LINGO1: variants seen among roughly 807,000 people sequenced by gnomAD.
The protein encoded by LINGO1 is leucine rich repeat and Ig domain containing 1.
In LINGO1, 11 loss-of-function variants were observed where a neutral mutation model predicts 37.3. The observed-to-expected ratio is 0.29, with a 90% CI of 0.19 to 0.49. The LOEUF (loss-of-function observed/expected upper bound fraction) is 0.49, where lower values mean the gene tolerates loss of function less well. Ranked by LOEUF, LINGO1 falls within the 20% of genes least tolerant of loss-of-function variation. LINGO1 has a pLI of 0.99. For synonymous variants in LINGO1, 387 were observed against 403.0 expected (o/e 0.96, Z 0.48); for missense variants, 585 against 878.2 (o/e 0.67, Z 4.22).
In LINGO1 at chr15:77,615,685, G is replaced by A; in HGVS notation, c.222C>T (p.Arg74=). The part of the protein sequence containing the change: ...AVPEGIPTET[R]LLDLGKNRIK... The stretch of plus-strand genomic sequence containing the variant: ...TGCGGTTCTTGCCTAGGTCCAGCAG[G>A]CGCGTCTCGGTGGGGATGCCCTCGG... The change falls in exon 2 of 2, where the codon CGC becomes CGT. Residue 74 remains arginine (R), a synonymous_variant. Coordinates refer to ENST00000355300, the MANE Select transcript of LINGO1 (RefSeq NM_032808.7). 1.2e-6 allele frequency: 2 copies of A among 1,604,682 alleles called. No homozygotes were observed. The highest frequency in any genetic ancestry group is 1.3e-5 in the African/African-American group (1 of 74,730).
At chr15:77,785,987 A>C (rs1049164406) in intron 1 of LINGO1, among the ~76,000 whole-genome samples, 1 of 152,066 alleles carries the variant, frequency 6.6e-6, no homozygotes, top group African/African-American at 2.4e-5. Flanking sequence ...GGCACAGAGA[A>C]CTCCCACTGA....
At chr15:77,625,965 C>T (rs988324819) in intron 1 of LINGO1, among the ~76,000 whole-genome samples, 1 of 152,140 alleles carries the variant, frequency 6.6e-6, no homozygotes, top group African/African-American at 2.4e-5. Context: ...GCTGAACAAC[C>T]CCACCAACCC....
chr15:77,646,309 G>T (rs1237382808), intron 3 of LINGO1: 12 of 357,864 alleles, frequency 3.4e-5, no homozygotes, highest in Non-Finnish European at 5.6e-6. Context: ...AGTGGGCGGG[G>T]AACCCGGACC....
chr15:77,794,301 T>C (rs377055921), intron 2 of LINGO1, among the ~76,000 whole-genome samples: 6 of 100,524 alleles, frequency 6.0e-5, no homozygotes, highest in South Asian at 2.8e-4. Context: ...TATGTATATA[T>C]ATACATATAT....
At chr15:77,620,192 T>G (rs60677748) in intron 1 of LINGO1, among the ~76,000 whole-genome samples, 26,926 of 151,756 alleles carry the variant, frequency 0.18, 5,028 homozygotes, top group African/African-American at 0.47. Context: ...TGTTTTATTT[T>G]GGATCCTTGC....
At chr15:77,706,985 C>T (rs1010924789) in intron 2 of LINGO1, among the ~76,000 whole-genome samples, 20 of 152,248 alleles carry the variant, frequency 1.3e-4, no homozygotes, top group Non-Finnish European at 1.8e-4. Context: ...ATGGCTGTGG[C>T]TGTGCCAGGA....
chr15:77,704,038 T>A (rs567415862), intron 2 of LINGO1, among the ~76,000 whole-genome samples: 62 of 152,328 alleles, frequency 4.1e-4, no homozygotes, highest in Admixed American at 1.5e-3. Context: ...TAACTAGCTG[T>A]GACCTCAGAA....
intron 1 of LINGO1, among the ~76,000 whole-genome samples, chr15:77,628,463 C>T (rs752002466): frequency 6.6e-6 from 1 of 152,186 alleles, no homozygotes; most frequent in African/African-American, 2.4e-5. Context: ...GGACTGCACA[C>T]AGTTCATGCT....
intron 3 of LINGO1, among the ~76,000 whole-genome samples, chr15:77,650,633 G>A (rs891173995): frequency 6.6e-6 from 1 of 152,218 alleles, no homozygotes; most frequent in South Asian, 2.1e-4. Context: ...CAATGGGGAA[G>A]AGGGCAGACT....
chr15:77,652,832 G>A (rs1397202983), intron 3 of LINGO1, among the ~76,000 whole-genome samples: 1 of 152,236 alleles, frequency 6.6e-6, no homozygotes, highest in Non-Finnish European at 1.5e-5. Context: ...CTGGCAATCA[G>A]TGACCCTTCC....
intron 1 of LINGO1, among the ~76,000 whole-genome samples, chr15:77,757,312 G>C (rs56210579): frequency 1.3e-5 from 2 of 152,238 alleles, no homozygotes; most frequent in Non-Finnish European, 2.9e-5. Flanking sequence ...TGAGCCCCCA[G>C]AACAAGAGTG....
At chr15:77,756,225 C>T (rs551622122) in intron 1 of LINGO1, among the ~76,000 whole-genome samples, 7 of 152,230 alleles carry the variant, frequency 4.6e-5, no homozygotes, top group South Asian at 2.1e-4. Flanking sequence ...CTCCTGTGAT[C>T]GCAGCAACTG....
At chr15:77,775,563 CTGGTAGTG>C (rs1236292638) in intron 1 of LINGO1, among the ~76,000 whole-genome samples, 2 of 152,126 alleles carry the variant, frequency 1.3e-5, no homozygotes, top group Non-Finnish European at 2.9e-5. Context: ...CCCAGCAGCT[CTGGTAGTG>C]TGGGCCCACC....
At chr15:77,658,009 GGTGGGAGGGGA>G (rs2074903831) in intron 3 of LINGO1, among the ~76,000 whole-genome samples, 1 of 152,202 alleles carries the variant, frequency 6.6e-6, no homozygotes, top group South Asian at 2.1e-4. Flanking sequence ...GTTTCCCGGG[GGTGGGAGGGGA>G]GTGGGGCTTG....
intron 1 of LINGO1, among the ~76,000 whole-genome samples, chr15:77,619,546 C>T (rs941709022): frequency 1.3e-5 from 2 of 151,950 alleles, no homozygotes; most frequent in Non-Finnish European, 2.9e-5. Flanking sequence ...ATTAGCCAGG[C>T]ATGGTGGGGT....
intron 1 of LINGO1, among the ~76,000 whole-genome samples, chr15:77,622,081 T>C (rs544880885): frequency 2.6e-5 from 4 of 152,062 alleles, no homozygotes; most frequent in African/African-American, 9.6e-5. Flanking sequence ...CCGTGACTGA[T>C]TGGGCAGCAG....
In LINGO1 at chr15:77,751,146, G is replaced by A. The variant is rs192003877; in HGVS notation, c.-256-16093C>T. On this transcript the variant is annotated intron_variant, in intron 1 of 3. Coordinates refer to the LINGO1 transcript ENST00000561686. ...GCCTAAACTGACCTGAGCCAGGTGT[G>A]AGCACAGGTGTGAATCTCTGCCTTT... Among the ~76,000 whole-genome samples, 4 of 152,294 alleles carry A rather than the reference G, an allele frequency of 2.6e-5. No individual in the cohort carries two copies. In the East Asian group the frequency reaches 7.7e-4, roughly 29 times the overall value.
chr15:77,687,276 G>A (rs980078531), intron 2 of LINGO1, among the ~76,000 whole-genome samples: 1 of 152,158 alleles, frequency 6.6e-6, no homozygotes, highest in Non-Finnish European at 1.5e-5. Context: ...CTGAGGTCAG[G>A]GCTCATTGTA....
At chr15:77,728,024 C>A (rs905774126) in intron 2 of LINGO1, among the ~76,000 whole-genome samples, 1 of 152,192 alleles carries the variant, frequency 6.6e-6, no homozygotes, top group Non-Finnish European at 1.5e-5. Flanking sequence ...ACTAAAGGGC[C>A]GTCCCTGGGA....
Sources: gnomAD v4.1 joint callset for allele counts (sites outside exome capture counted in the v4.1 genomes callset) on GRCh38, gnomAD v4.1.1 for gene constraint, MANE v1.5 for transcripts, NCBI Gene and HGNC (gene_info 2026-07-23, HGNC 2026-07-21) for gene names.